BIN1: variants seen among roughly 807,000 people sequenced by gnomAD.
The protein encoded by BIN1 is bridging integrator 1.
BIN1 carries 53 observed loss-of-function variants against 82.0 expected under a neutral mutation model. The observed-to-expected ratio is 0.65, with a 90% CI of 0.52 to 0.81. The LOEUF is 0.81. Ranked by LOEUF, BIN1 falls within the 40% of genes least tolerant of loss-of-function variation. The pLI, the probability that BIN1 is intolerant of heterozygous loss-of-function variation, is 0.00. For missense variants in BIN1, 642 were observed against 784.4 expected (o/e 0.82, Z 2.17); for synonymous variants, 302 against 328.0 (o/e 0.92, Z 0.86).
Position 127,053,304 on chromosome 2 carries a change from C to T in BIN1, c.1263+118G>A, listed in dbSNP as rs112606788. On this transcript the variant is annotated intron_variant, in intron 14 of 18. Coordinates refer to ENST00000316724, the MANE Select transcript of BIN1 (RefSeq NM_139343.3). ...CGTGAGCACGTGCCTGTGTGTCCTGCGTGTGGGGGGTGTGTGGGGTGCATG... is the reference window on the plus strand; with the variant it reads ...CGTGAGCACGTGCCTGTGTGTCCTGTGTGTGGGGGGTGTGTGGGGTGCATG... 1.4e-3 allele frequency: 1,951 copies of T among 1,423,018 alleles called. 31 individuals are homozygous for T. The African/African-American group carries it at 0.025, about 19-fold the overall frequency. The allele number at this position is 1,423,018 out of a possible 1,614,324, so 88.1% of individuals were successfully genotyped here. A position where few individuals can be genotyped will look rare whatever the true frequency, so the allele number is the denominator to read the frequency against.
chr2:127,100,141 A>G (rs1426474538), intron 1 of BIN1, among the ~76,000 whole-genome samples: 1 of 152,176 alleles, frequency 6.6e-6, no homozygotes, highest in African/African-American at 2.4e-5. Flanking sequence ...ACTGGAGACA[A>G]CTTTTACTAT....
At chr2:127,063,376 C>G (rs1177468810) in intron 9 of BIN1, among the ~76,000 whole-genome samples, 195 bp downstream of exon 9, 1 of 152,200 alleles carries the variant, frequency 6.6e-6, no homozygotes, top group Admixed American at 6.5e-5. Context: ...GCCTCCCCAG[C>G]ATGCCCTGCT....
At chr2:127,061,220 AACC>A (rs1368222905) in intron 10 of BIN1, among the ~76,000 whole-genome samples, 9 of 23,950 alleles carry the variant, frequency 3.8e-4, no homozygotes, top group Admixed American at 9.9e-4. Context: ...CCACCCCCCC[AACC>A]ACCACCACAA....
intron 1 of BIN1, among the ~76,000 whole-genome samples, chr2:127,103,970 C>T (rs1558894313): frequency 6.6e-6 from 1 of 152,336 alleles, no homozygotes; most frequent in East Asian, 1.9e-4. Flanking sequence ...GCTGGAGGCC[C>T]TGGCAACCCT....
At chr2:127,096,870 A>G (rs1679668022) in intron 1 of BIN1, among the ~76,000 whole-genome samples, 1 of 152,174 alleles carries the variant, frequency 6.6e-6, no homozygotes, top group African/African-American at 2.4e-5. Flanking sequence ...CAAAGGTCCA[A>G]AGAAAGTAGC....
At chr2:127,050,308 G>C in intron 18 of BIN1, 113 bp downstream of exon 18, 1 of 1,120,414 alleles carries the variant, frequency 8.9e-7, no homozygotes, top group Non-Finnish European at 1.3e-6. Context: ...GGGAGCCCTG[G>C]TGCTCGCGGG....
chr2:127,077,802 G>C (rs1224814024), intron 1 of BIN1, among the ~76,000 whole-genome samples: 1 of 152,180 alleles, frequency 6.6e-6, no homozygotes, highest in Non-Finnish European at 1.5e-5. Context: ...CAGCCAAAGA[G>C]GCACCTCCAT....
intron 1 of BIN1, among the ~76,000 whole-genome samples, chr2:127,099,916 G>A (rs1465798622): frequency 6.6e-6 from 1 of 151,582 alleles, no homozygotes; most frequent in Non-Finnish European, 1.5e-5. Flanking sequence ...CGATTCTACT[G>A]CCTCAGCCTC....
At position 127,068,057 on chromosome 2, in the gene BIN1, G is replaced by T; in HGVS notation, c.612+106C>A. 8.4e-7 allele frequency: 1 copy of T among 1,186,750 alleles called. No individual in the cohort carries two copies. The highest frequency in any genetic ancestry group is 1.2e-6 in the Non-Finnish European group (1 of 819,436). The allele number at this position is 1,186,750 out of a possible 1,614,324, so 73.5% of individuals were successfully genotyped here. A position where few individuals can be genotyped will look rare whatever the true frequency, so the allele number is the denominator to read the frequency against. The stretch of plus-strand genomic sequence containing the variant: ...CCAGCAGAGGCCTTTGAAAAACCCT[G>T]CCCCAGCTGGGCTCAGATGCCAGCC... On this transcript the variant is annotated intron_variant, in intron 7 of 18. Coordinates refer to ENST00000316724, the MANE Select transcript of BIN1 (RefSeq NM_139343.3). This position sits in a 1 kb window ranked among gnomAD's most constrained non-coding sequence, Gnocchi z 4.9.
rs1182883790 is a variant in BIN1, at chr2:127,068,290, G to T, written c.520-35C>A. ...GGAGGTCAAGGCAAAGGAAGGTGGA[G>T]AGACCAGGGAGGTGGGGAGAGAGAA... On this transcript the variant is annotated intron_variant, in intron 6 of 18. Coordinates refer to ENST00000316724, the MANE Select transcript of BIN1 (RefSeq NM_139343.3). The surrounding 1 kb of genome is among the most constrained non-coding windows in gnomAD (Gnocchi z 4.9). 6.4e-7 allele frequency: 1 copy of T among 1,551,714 alleles called. No homozygotes were observed. The highest frequency in any genetic ancestry group is 1.1e-5 in the South Asian group (1 of 89,392).
At chr2:127,052,113 C>T in intron 15 of BIN1, 142 bp downstream of exon 15, 1 of 931,206 alleles carries the variant, frequency 1.1e-6, no homozygotes, top group East Asian at 2.6e-5. Context: ...CGTGCTGGGG[C>T]AGCCTAGCTC....
chr2:127,063,556 G>T lies in BIN1; in HGVS notation c.774+15C>A, dbSNP rs759649037. The T allele has an allele frequency of 1.2e-5, 20 of 1,613,020 alleles. No individual in the cohort carries two copies. Among genetic ancestry groups the T allele is most frequent in the East Asian group, 2.2e-5 (1 of 44,880 alleles). On this transcript the variant is annotated intron_variant, in intron 9 of 18. Transcript: ENST00000316724. ...GGGTGGGGTGTGGCCCCTCAGAGGGGTCCCCATGGCCTACCTTGCTCATCT... is the reference window on the plus strand; with the variant it reads ...GGGTGGGGTGTGGCCCCTCAGAGGGTTCCCCATGGCCTACCTTGCTCATCT...
rs762487980 is a variant in BIN1 at position 127,070,662 on chromosome 2, G to A, written c.221-15C>T. ...CTCGTGCATGGCTGTGGGGCAGAAA[G>A]GAAGTATGTGGGCCTCCCACTGATA... On this transcript the variant is annotated splice_polypyrimidine_tract_variant and intron_variant, in intron 3 of 18. Transcript: ENST00000316724. The A allele has an allele frequency of 6.2e-7, 1 of 1,614,008 alleles. No homozygotes were observed. Among genetic ancestry groups the A allele is most frequent in the Non-Finnish European group, 8.5e-7 (1 of 1,180,004 alleles).
Position 127,051,310 on chromosome 2 carries a change from C to A in BIN1, c.1372-67G>T. 6 of 1,546,608 alleles carry A rather than the reference C, an allele frequency of 3.9e-6. No individual in the cohort carries two copies. In the South Asian group the frequency reaches 5.6e-5, roughly 14 times the overall value. The stretch of plus-strand genomic sequence containing the variant: ...ACACAGCCAGGACACAGGAAACAGG[C>A]CACAGGAGGGCAGCACCCAAGCGAC... On this transcript the variant is annotated intron_variant, in intron 15 of 18. Transcript: ENST00000316724.
intron 18 of BIN1, among the ~76,000 whole-genome samples, chr2:127,049,625 C>T (rs1326609319): frequency 1.3e-5 from 2 of 152,194 alleles, no homozygotes; most frequent in Non-Finnish European, 2.9e-5. Flanking sequence ...GTGCACAGCC[C>T]GAGGTGCTCA....
chr2:127,062,023 G>T, intron 10 of BIN1, 92 bp downstream of exon 10: 2 of 1,456,206 alleles, frequency 1.4e-6, no homozygotes, highest in Non-Finnish European at 1.9e-6. Context: ...AAACCCATGG[G>T]GGACCAGGGA....
intron 1 of BIN1, among the ~76,000 whole-genome samples, chr2:127,092,112 A>C: frequency 6.8e-6 from 1 of 147,188 alleles, no homozygotes; most frequent in African/African-American, 2.5e-5. Flanking sequence ...ACACCCCTAC[A>C]CCCACCTCTA....
At chr2:127,100,270 A>G (rs925999387) in intron 1 of BIN1, among the ~76,000 whole-genome samples, 11 of 151,892 alleles carry the variant, frequency 7.2e-5, no homozygotes, top group African/African-American at 2.7e-4. Flanking sequence ...TCTACCACAC[A>G]CTCCAAAGTG....
In BIN1 at chr2:127,082,751, C is replaced by T. The variant is rs1256493062; in HGVS notation, c.85-6045G>A. Among the ~76,000 whole-genome samples the T allele has an allele frequency of 6.6e-6, 1 of 152,078 alleles. No homozygotes were observed. Among genetic ancestry groups the T allele is most frequent in the Admixed American group, 6.5e-5 (1 of 15,282 alleles). On this transcript the variant is annotated intron_variant, in intron 1 of 18. Coordinates refer to ENST00000316724, the MANE Select transcript of BIN1 (RefSeq NM_139343.3). This position sits in a 1 kb window ranked among gnomAD's most constrained non-coding sequence, Gnocchi z 6.1. ...CAACCAGACACACAGGACCCCTCTC[C>T]CGGCTGCTGCTCACACCTCCCCATC...
Sources: gnomAD v4.1 joint callset for allele counts (sites outside exome capture counted in the v4.1 genomes callset) on GRCh38, gnomAD v4.1.1 for gene constraint, Gnocchi (gnomAD v3.1) non-coding constraint, MANE v1.5 for transcripts, NCBI Gene and HGNC (gene_info 2026-07-23, HGNC 2026-07-21) for gene names.